The following L1CAM variants were observed in gnomAD, a reference collection of about 807,000 sequenced individuals.
The protein encoded by L1CAM is L1 cell adhesion molecule.
In L1CAM, 8 loss-of-function variants were observed where a neutral mutation model predicts 93.0. That is an observed-to-expected ratio of 0.09 (90% CI 0.05 to 0.16). L1CAM has a LOEUF of 0.16. L1CAM is among the 10% of genes least tolerant of loss of function. The pLI, the probability that L1CAM is intolerant of heterozygous loss-of-function variation, is 1.00. For missense variants in L1CAM, 777 were observed against 1,073.4 expected (o/e 0.72, Z 3.86); for synonymous variants, 453 against 453.0 (o/e 1.00, Z 0.00).
rs1181490318 is a variant in L1CAM at position 153,869,889 on chromosome X, G to T, written c.1037C>A (p.Pro346Gln). 8.3e-7 allele frequency: 1 copy of T among 1,208,386 alleles called. No homozygotes were observed. Among genetic ancestry groups the T allele is most frequent in the Non-Finnish European group, 1.1e-6 (1 of 894,432 alleles). ...GCAGTCCAGGCGGGCAGTCTCTCCT[G>T]GCCCATATAGATGGCTCTGGGGCTT... is the stretch of plus-strand genomic sequence containing the variant. ...LHKPQSHLYG[P>Q]GETARLDCQV... Residue 346 changes from proline to glutamine, a missense_variant, in exon 10 of 29, where the codon CCA becomes CAA. Physicochemically the swap from Pro to Gln is moderately conservative, Grantham distance 76 (BLOSUM62 -1). Around this residue, in one of 5 missense-constraint regions of L1CAM, gnomAD observed 574 missense variants for 781.0 expected, o/e 0.73. Coordinates refer to ENST00000370060, the MANE Select transcript of L1CAM (RefSeq NM_001278116.2).
rs994006086 is a variant in L1CAM at position 153,872,823 on chromosome X, C to T, written c.92-126G>A. ...TGGAGGCCCCATGGCCACAGGGGGA[C>T]GAACGGAGGGGAAGAACAAAAGAGG... On this transcript the variant is annotated intron_variant, in intron 3 of 28. Coordinates refer to ENST00000370060, the MANE Select transcript of L1CAM (RefSeq NM_001278116.2). 39 of 561,018 alleles carry T rather than the reference C, an allele frequency of 7.0e-5. No individual in the cohort carries two copies. In the East Asian group the frequency reaches 1.1e-3, roughly 17 times the overall value. 46.2% of individuals were successfully genotyped at this position (561,018 alleles called of 1,213,427 possible).
In L1CAM at chrX:153,876,124, G is replaced by A. The variant is rs891426792; in HGVS notation, c.-108-180C>T. ...CGCACCCCTCCCCACCTTGGAGGGA[G>A]AAATCTGGAAGAGATAGCCCTGGCT... On this transcript the variant is annotated intron_variant, in intron 1 of 28. Coordinates refer to ENST00000370060, the MANE Select transcript of L1CAM (RefSeq NM_001278116.2). The A allele has an allele frequency of 2.0e-4, 87 of 439,791 alleles. 1 individual carries two copies. Among genetic ancestry groups the A allele is most frequent in the Non-Finnish European group, 3.6e-5 (9 of 252,798 alleles). The allele number at this position is 439,791 out of a possible 1,213,427, so 36.2% of individuals were successfully genotyped here.
In L1CAM at chrX:153,875,925, G is replaced by A; in HGVS notation, c.-89C>T. On this transcript the variant is annotated 5_prime_UTR_variant, in exon 2 of 29. Transcript: ENST00000370060. ...AGGGGGCTGGTGGGCGGCTTGGGGC[G>A]GGAGTTGGGAGTGGGGGCACTGGGA... 2.6e-6 allele frequency: 2 copies of A among 763,605 alleles called. No individual in the cohort carries two copies. Among genetic ancestry groups the A allele is most frequent in the Non-Finnish European group, 3.9e-6 (2 of 508,685 alleles). The allele number at this position is 763,605 out of a possible 1,213,427, so 62.9% of individuals were successfully genotyped here.
rs200076618 is a variant in L1CAM at position 153,867,889 on chromosome X, C to T, written c.1850G>A (p.Arg617Gln). Residue 617 changes from arginine to glutamine, a missense_variant, in exon 16 of 29, where the codon CGG becomes CAG. Arg to Gln is a conservative substitution (Grantham distance 43). Around this residue, in one of 5 missense-constraint regions of L1CAM, gnomAD observed 574 missense variants for 781.0 expected, o/e 0.73. Coordinates refer to ENST00000370060, the MANE Select transcript of L1CAM (RefSeq NM_001278116.2). ...CAGGTGCAGGTCGGACAGCACCAGCCGTGGCACCGGCCCAGGGCTCCCTGA... is the reference window on the plus strand; with the variant it reads ...CAGGTGCAGGTCGGACAGCACCAGCTGTGGCACCGGCCCAGGGCTCCCTGA... ...LVVGSPGPVPRLVLSDLHLLT... is the reference protein window; with the variant it reads ...LVVGSPGPVPQLVLSDLHLLT... 8 of 1,210,637 alleles carry T rather than the reference C, an allele frequency of 6.6e-6. No individual in the cohort carries two copies. The highest frequency in any genetic ancestry group is 1.8e-5 in the South Asian group (1 of 56,926).
chrX:153,870,974 G>A lies in L1CAM; in HGVS notation c.524-14C>T, dbSNP rs201411472. The A allele has an allele frequency of 8.3e-6, 10 of 1,208,880 alleles. No individual in the cohort carries two copies. In the East Asian group the frequency reaches 3.0e-4, roughly 36 times the overall value. On this transcript the variant is annotated splice_polypyrimidine_tract_variant and intron_variant, in intron 6 of 28. Coordinates refer to ENST00000370060, the MANE Select transcript of L1CAM (RefSeq NM_001278116.2). ...TGTGCAAGATCTCTGCAGGGGGCAA[G>A]GAGGCCGAAGTCATGACCCCGTCCA...
intron 5 of L1CAM, 80 bp from the exon 6 acceptor site, chrX:153,871,259 G>GGGGGGGGC: frequency 1.2e-6 from 1 of 853,354 alleles, no homozygotes. Context: ...GGGCAGGGGG[G>GGGGGGGGC]TGGCGGGCTA....
In L1CAM at chrX:153,868,890, C is replaced by A. The variant is rs2064741006; in HGVS notation, c.1330G>T (p.Ala444Ser). Residue 444 changes from alanine to serine, a missense_variant, in exon 12 of 29, where the codon GCC becomes TCC. By Grantham distance (99) the Ala-to-Ser change is moderately conservative. Coordinates refer to ENST00000370060, the MANE Select transcript of L1CAM (RefSeq NM_001278116.2). Reference sequence around the variant, plus strand: ...CCGAAGGCCTTGCACAGAAGGTAGGCAGTGCTGCCCTGGACAGCCATGTAC... The same window carrying A: ...CCGAAGGCCTTGCACAGAAGGTAGGAAGTGCTGCCCTGGACAGCCATGTAC... ...QTYMAVQGST[A>S]YLLCKAFGAP... 1 of 1,210,424 alleles carries A rather than the reference C, an allele frequency of 8.3e-7. No homozygotes were observed. The highest frequency in any genetic ancestry group is 1.8e-5 in the South Asian group (1 of 56,859).
At chrX:153,866,168 T>C (rs985049118) in intron 19 of L1CAM, among the ~76,000 whole-genome samples, 2 of 109,706 alleles carry the variant, frequency 1.8e-5, no homozygotes, top group Admixed American at 9.7e-5. Flanking sequence ...CGAAAATTAG[T>C]TGGGTGTGGT....
chrX:153,867,060 C>A lies in L1CAM; in HGVS notation c.2202G>T (p.Thr734=), dbSNP rs201721421. 5 of 1,207,159 alleles carry A rather than the reference C, an allele frequency of 4.1e-6. No individual in the cohort carries two copies. The highest frequency in any genetic ancestry group is 5.6e-6 in the Non-Finnish European group (5 of 892,970). Residue 734 remains threonine, a synonymous_variant, in exon 18 of 29, where the codon ACG becomes ACT. Coordinates refer to ENST00000370060, the MANE Select transcript of L1CAM (RefSeq NM_001278116.2). The part of the protein sequence containing the change: ...EGNETTNMVI[T]WKPLRWMDWN... ...TCAGCCCAGGGACTCTCACCTTCCA[C>A]GTGATGACCATATTGGTGGTCTCAT... is the stretch of plus-strand genomic sequence containing the variant.
intron 11 of L1CAM, chrX:153,869,221 C>G: frequency 2.2e-6 from 1 of 449,880 alleles, no homozygotes; most frequent in South Asian, 3.2e-5. Context: ...GCCTTCCTGG[C>G]CTAGTCCCCA....
chrX:153,862,410 C>A lies in L1CAM; in HGVS notation c.*253G>T. 1 of 366,540 alleles carries A rather than the reference C, an allele frequency of 2.7e-6. No homozygotes were observed. The highest frequency in any genetic ancestry group is 4.7e-6 in the Non-Finnish European group (1 of 210,893). 30.2% of individuals were successfully genotyped at this position (366,540 alleles called of 1,213,427 possible). A position where few individuals can be genotyped will look rare whatever the true frequency, so the allele number is the denominator to read the frequency against. ...CTCCCCCAAACCACAGCCTCTCTGC[C>A]CAAATGGGCTGGCAAAACAGCACCC... is the stretch of plus-strand genomic sequence containing the variant. On this transcript the variant is annotated 3_prime_UTR_variant, in exon 29 of 29. Coordinates refer to ENST00000370060, the MANE Select transcript of L1CAM (RefSeq NM_001278116.2).
In L1CAM at chrX:153,875,956, G is replaced by A. The variant is rs201707566; in HGVS notation, c.-108-12C>T. 5.6e-4 allele frequency: 305 copies of A among 549,368 alleles called. 3 individuals are homozygous for A. In the African/African-American group the frequency reaches 6.3e-3, roughly 11 times the overall value. The allele number at this position is 549,368 out of a possible 1,213,427, so 45.3% of individuals were successfully genotyped here. On this transcript the variant is annotated splice_polypyrimidine_tract_variant and intron_variant, in intron 1 of 28. Coordinates refer to ENST00000370060, the MANE Select transcript of L1CAM (RefSeq NM_001278116.2). ...TGGGAGTGGGGGCACTGGGAGAGGG[G>A]AGAAGGGAAGGGAAGGGTGGGGGAA... is the stretch of plus-strand genomic sequence containing the variant.
intron 2 of L1CAM, 83 bp from the exon 3 acceptor site, chrX:153,873,325 A>G (rs2064789240): frequency 9.9e-7 from 1 of 1,006,470 alleles, no homozygotes. Flanking sequence ...ATGGCAGGGG[A>G]CATAGTAAGC....
Position 153,864,004 on chromosome X carries a change from G to T in L1CAM, c.3336C>A (p.Leu1112=). 8.2e-7 allele frequency: 1 copy of T among 1,212,161 alleles called. No homozygotes were observed. Among genetic ancestry groups the T allele is most frequent in the Non-Finnish European group, 1.1e-6 (1 of 895,524 alleles). Reference sequence around the variant, plus strand: ...CCTCAGTGGCGAAGCCAGCAGGAGGGAGCCTCACGCGGCCTGAGGGTGAGA... The same window carrying T: ...CCTCAGTGGCGAAGCCAGCAGGAGGTAGCCTCACGCGGCCTGAGGGTGAGA... ...VKTNGTGRVR[L]PPAGFATEGW... is the part of the protein sequence containing the mutation. The change falls in exon 26 of 29, where the codon CTC becomes CTA. Residue 1112 remains leucine, a synonymous_variant. Coordinates refer to ENST00000370060, the MANE Select transcript of L1CAM (RefSeq NM_001278116.2).
chrX:153,872,659 G>T lies in L1CAM; in HGVS notation c.130C>A (p.Arg44Ser), dbSNP rs370782270. The change falls in exon 4 of 29, where the codon CGC becomes AGC. Residue 44 changes from arginine to serine, a missense_variant. This residue lies in a region of L1CAM where 574 missense variants were observed against 781.0 expected (regional missense o/e 0.73). Coordinates refer to ENST00000370060, the MANE Select transcript of L1CAM (RefSeq NM_001278116.2). ...TCATCTGTGGGGAAGACAACCAGGC[G>T]CCGTGGAGACTGTTCCGTGATGACA... ...PPVITEQSPR[R>S]LVVFPTDDIS... 4.1e-6 allele frequency: 5 copies of T among 1,208,602 alleles called. No individual in the cohort carries two copies. The African/African-American group carries it at 8.8e-5, about 21-fold the overall frequency.
At chrX:153,877,287 CAAAAAAA>C (rs34384910) in intron 1 of L1CAM, among the ~76,000 whole-genome samples, 12 of 12,802 alleles carry the variant, frequency 9.4e-4, no homozygotes, top group Non-Finnish European at 2.0e-3. Flanking sequence ...ACTAAAAATA[CAAAAAAA>C]AAAAAAAAAA....
intron 1 of L1CAM, among the ~76,000 whole-genome samples, chrX:153,878,914 C>T (rs191273919): frequency 4.7e-4 from 52 of 110,889 alleles, no homozygotes; most frequent in African/African-American, 1.4e-3. Context: ...CTTTTTTGGT[C>T]TCCCAGTATT....
intron 1 of L1CAM, among the ~76,000 whole-genome samples, chrX:153,881,436 G>T (rs969551024): frequency 8.9e-5 from 10 of 111,742 alleles, no homozygotes; most frequent in Non-Finnish European, 1.5e-4. Context: ...CCTGCCCCGT[G>T]GGGAGGGCTT....
intron 5 of L1CAM, 73 bp from the exon 6 acceptor site, chrX:153,871,252 CA>C (rs1243122539): frequency 2.0e-6 from 1 of 497,927 alleles, no homozygotes; most frequent in Admixed American, 3.1e-5. Flanking sequence ...GAGGTGGGGG[CA>C]GGGGGGTGGC....
Sources: gnomAD v4.1 joint callset for allele counts (sites outside exome capture counted in the v4.1 genomes callset) on GRCh38, gnomAD v4.1.1 for gene constraint, gnomAD v4.1.1 regional missense constraint, MANE v1.5 for transcripts, NCBI Gene and HGNC (gene_info 2026-07-23, HGNC 2026-07-21) for gene names.